Variants in ASZ1 observed in about 807,000 individuals in gnomAD.
The protein encoded by ASZ1 is ankyrin repeat, SAM and basic leucine zipper domain containing 1.
Under a neutral mutation model 61.8 loss-of-function variants are expected in ASZ1, and 67 were observed. That is an observed-to-expected ratio of 1.08 (90% CI 0.89 to 1.33). The LOEUF (loss-of-function observed/expected upper bound fraction) is 1.33, where lower values mean the gene tolerates loss of function less well. Among genes scored for constraint, ASZ1 ranks in the 40% most tolerant of loss-of-function variants. ASZ1 has a pLI of 0.00. For synonymous variants in ASZ1, 193 were observed against 192.7 expected (o/e 1.00, Z -0.01); for missense variants, 577 against 554.5 (o/e 1.04, Z -0.41).
chr7:117,406,797 T>C (rs1253929830), intron 4 of ASZ1, among the ~76,000 whole-genome samples: 1 of 151,396 alleles, frequency 6.6e-6, no homozygotes, highest in Non-Finnish European at 1.5e-5. Context: ...ATGACAACAA[T>C]AGCACAAATA....
At chr7:117,398,935 A>G (rs1028683606) in intron 4 of ASZ1, among the ~76,000 whole-genome samples, 1 of 152,160 alleles carries the variant, frequency 6.6e-6, no homozygotes. Flanking sequence ...TATCCTTCAA[A>G]ACTAAGTTTG....
At position 117,384,831 on chromosome 7, in the gene ASZ1, A is replaced by AT; in HGVS notation, c.581dup (p.His194GlnfsTer2). On this transcript the variant is annotated frameshift_variant, in exon 6 of 13. Transcript: ENST00000284629. LOFTEE classifies it high-confidence loss of function. ...CAAGCAACTTCAAAACTATATTTTT[A>AT]TGACCCTGACGTGCTGCCCACGTTA... The AT allele has an allele frequency of 6.2e-7, 1 of 1,607,388 alleles. No individual in the cohort carries two copies. The highest frequency in any genetic ancestry group is 8.5e-7 in the Non-Finnish European group (1 of 1,177,682).
Position 117,426,927 on chromosome 7 carries a change from TTTC to T in ASZ1, c.111_113del (p.Lys38del). Reference sequence around the variant, plus strand: ...TCTTTTCTTCAATGGGTAATAGCCTTTTCAATTTCTAGAAAAGTAAACATTTTA... The same window carrying T: ...TCTTTTCTTCAATGGGTAATAGCCTTAATTTCTAGAAAAGTAAACATTTTA... On this transcript the variant is annotated inframe_deletion, in exon 2 of 13. Transcript: ENST00000284629. The T allele has an allele frequency of 6.3e-7, 1 of 1,591,974 alleles. No homozygotes were observed. The highest frequency in any genetic ancestry group is 1.2e-5 in the South Asian group (1 of 84,642).
At chr7:117,370,008 G>A (rs994780270) in intron 10 of ASZ1, among the ~76,000 whole-genome samples, 2 of 152,112 alleles carry the variant, frequency 1.3e-5, no homozygotes, top group Non-Finnish European at 1.5e-5. Flanking sequence ...CATAGCTGGT[G>A]TTCAAGCAAA....
intron 4 of ASZ1, among the ~76,000 whole-genome samples, chr7:117,409,102 C>CAA (rs1269068889): frequency 6.6e-6 from 1 of 151,726 alleles, no homozygotes; most frequent in African/African-American, 2.4e-5. Context: ...AAAATACACA[C>CAA]AAATTACAAG....
chr7:117,409,084 G>A (rs186555494), intron 4 of ASZ1, among the ~76,000 whole-genome samples: 3 of 151,778 alleles, frequency 2.0e-5, no homozygotes, highest in South Asian at 2.1e-4. Context: ...AATTTAACTT[G>A]GGCAGAAAAA....
At chr7:117,371,735 A>G (rs975935153) in intron 10 of ASZ1, among the ~76,000 whole-genome samples, 22 of 152,164 alleles carry the variant, frequency 1.4e-4, no homozygotes, top group African/African-American at 5.3e-4. Flanking sequence ...AATAACTACT[A>G]AATGAGTAAT....
chr7:117,392,850 T>A (rs1796498620), intron 4 of ASZ1, among the ~76,000 whole-genome samples: 1 of 146,746 alleles, frequency 6.8e-6, no homozygotes, highest in South Asian at 2.2e-4. Flanking sequence ...AGATATATCT[T>A]TTTTTTTTTT....
At chr7:117,385,922 T>C (rs762439532) in intron 4 of ASZ1, 113 bp from the exon 5 acceptor site, 12 of 800,544 alleles carry the variant, frequency 1.5e-5, no homozygotes, top group Non-Finnish European at 2.1e-5. Context: ...CGAAAAGAAA[T>C]GAAAGCTTTT....
At chr7:117,419,827 T>C (rs965832403) in intron 4 of ASZ1, among the ~76,000 whole-genome samples, 1 of 152,188 alleles carries the variant, frequency 6.6e-6, no homozygotes, top group African/African-American at 2.4e-5. Context: ...TTAAATGTTA[T>C]ACAGAGAGAA....
intron 2 of ASZ1, among the ~76,000 whole-genome samples, chr7:117,423,232 G>T (rs893542956): frequency 1.3e-5 from 2 of 150,742 alleles, no homozygotes; most frequent in African/African-American, 2.4e-5. Context: ...GTATTTTGTT[G>T]TTTTTTTTTA....
At chr7:117,424,612 C>T (rs931670796) in intron 2 of ASZ1, among the ~76,000 whole-genome samples, 5 of 152,222 alleles carry the variant, frequency 3.3e-5, no homozygotes, top group Non-Finnish European at 7.3e-5. Context: ...ATCTGCCCAT[C>T]AATCATATCA....
chr7:117,386,636 T>A (rs17139772), intron 4 of ASZ1, among the ~76,000 whole-genome samples: 1 of 152,158 alleles, frequency 6.6e-6, no homozygotes, highest in Non-Finnish European at 1.5e-5. Context: ...CAAAGAACTT[T>A]GGAAAAGAAA....
At chr7:117,396,092 T>C (rs1796571095) in intron 4 of ASZ1, among the ~76,000 whole-genome samples, 1 of 152,188 alleles carries the variant, frequency 6.6e-6, no homozygotes, top group South Asian at 2.1e-4. Flanking sequence ...TTTCTTAAAC[T>C]CTCACTGCCT....
intron 2 of ASZ1, among the ~76,000 whole-genome samples, chr7:117,422,600 T>C (rs1423048658): frequency 6.6e-6 from 1 of 152,252 alleles, no homozygotes; most frequent in Non-Finnish European, 1.5e-5. Context: ...TGTTTTATCA[T>C]ATATGTAACT....
intron 5 of ASZ1, among the ~76,000 whole-genome samples, chr7:117,385,415 A>G (rs768793886): frequency 6.6e-6 from 1 of 151,848 alleles, no homozygotes; most frequent in Non-Finnish European, 1.5e-5. Flanking sequence ...ACGTGCCACC[A>G]TGCCTGGCTA....
At chr7:117,415,339 CA>C (rs1796969904) in intron 4 of ASZ1, among the ~76,000 whole-genome samples, 1 of 152,102 alleles carries the variant, frequency 6.6e-6, no homozygotes, top group African/African-American at 2.4e-5. Context: ...AGATATGAAT[CA>C]TCTTTTGTCC....
At chr7:117,406,202 AC>A (rs2116510492) in intron 4 of ASZ1, among the ~76,000 whole-genome samples, 1 of 152,330 alleles carries the variant, frequency 6.6e-6, no homozygotes, top group South Asian at 2.1e-4. Context: ...AGAATTCTAT[AC>A]CCAGTGAAAA....
chr7:117,373,692 T>C (rs1796088726), intron 10 of ASZ1, among the ~76,000 whole-genome samples: 1 of 152,190 alleles, frequency 6.6e-6, no homozygotes, highest in African/African-American at 2.4e-5. Context: ...GTCAAATTCC[T>C]GGAATATATG....
Sources: gnomAD v4.1 joint callset for allele counts (sites outside exome capture counted in the v4.1 genomes callset) on GRCh38, gnomAD v4.1.1 for gene constraint, MANE v1.5 for transcripts, NCBI Gene and HGNC (gene_info 2026-07-23, HGNC 2026-07-21) for gene names.